PCSK5: variants seen among roughly 807,000 people sequenced by gnomAD.
PCSK5 encodes the protein proprotein convertase subtilisin/kexin type 5.
Under a neutral mutation model 233.2 loss-of-function variants are expected in PCSK5, and 129 were observed. The ratio of observed to expected loss-of-function variants is 0.55; its 90% confidence interval spans 0.48 to 0.64. The LOEUF (loss-of-function observed/expected upper bound fraction) is 0.64, where lower values mean the gene tolerates loss of function less well. PCSK5 is among the 30% of genes least tolerant of loss of function. The pLI, the probability that PCSK5 is intolerant of heterozygous loss-of-function variation, is 0.00. For synonymous variants in PCSK5, 825 were observed against 879.2 expected (o/e 0.94, Z 1.09); for missense variants, 2,076 against 2,430.1 (o/e 0.85, Z 3.06).
chr9:76,088,930 ATTTTTTTTT>A (rs5898449), intron 7 of PCSK5, among the ~76,000 whole-genome samples: 4,146 of 140,160 alleles, frequency 0.03, 145 homozygotes, highest in African/African-American at 0.081. Flanking sequence ...AGGTTTTTTA[ATTTTTTTTT>A]TTTTTTTTTG....
At chr9:75,970,297 T>C (rs1293661238) in intron 2 of PCSK5, among the ~76,000 whole-genome samples, 1 of 152,206 alleles carries the variant, frequency 6.6e-6, no homozygotes, top group African/African-American at 2.4e-5. Flanking sequence ...GTTACAGGTT[T>C]TTCTCTTTCT....
intron 9 of PCSK5, among the ~76,000 whole-genome samples, chr9:76,123,629 A>G (rs558129576): frequency 2.0e-5 from 3 of 152,264 alleles, no homozygotes; most frequent in South Asian, 2.1e-4. Context: ...ATTCTGTTCA[A>G]TTTATTTTGG....
intron 3 of PCSK5, among the ~76,000 whole-genome samples, chr9:76,007,536 G>A (rs1445887651): frequency 6.6e-6 from 1 of 152,118 alleles, no homozygotes; most frequent in African/African-American, 2.4e-5. Context: ...AGAATTATTT[G>A]ATTTTATCAA....
At chr9:76,233,125 T>C (rs1826146148) in intron 21 of PCSK5, among the ~76,000 whole-genome samples, 1 of 152,198 alleles carries the variant, frequency 6.6e-6, no homozygotes, top group African/African-American at 2.4e-5. Flanking sequence ...GTGGAAAGTT[T>C]ACAGACCTCC....
At chr9:75,955,002 A>C (rs1825029175) in intron 2 of PCSK5, among the ~76,000 whole-genome samples, 1 of 152,194 alleles carries the variant, frequency 6.6e-6, no homozygotes, top group African/African-American at 2.4e-5. Context: ...TTCTGCACTG[A>C]ATATTGACTG....
chr9:76,352,869 C>T (rs1830201848), intron 36 of PCSK5, among the ~76,000 whole-genome samples: 1 of 138,628 alleles, frequency 7.2e-6, no homozygotes, highest in Non-Finnish European at 1.6e-5. Context: ...ATGGTGAAAC[C>T]CCATCTCTAC....
intron 24 of PCSK5, among the ~76,000 whole-genome samples, chr9:76,247,207 C>T (rs1165421259): frequency 2.6e-5 from 4 of 152,170 alleles, no homozygotes; most frequent in Non-Finnish European, 5.9e-5. Context: ...TGGAAGTCAG[C>T]GGCAGGTCTG....
At chr9:76,326,674 C>T (rs574737095) in intron 32 of PCSK5, among the ~76,000 whole-genome samples, 69 of 152,124 alleles carry the variant, frequency 4.5e-4, no homozygotes, top group Non-Finnish European at 6.2e-4. Flanking sequence ...CATGTATCCA[C>T]CCAGGGAATG....
intron 1 of PCSK5, among the ~76,000 whole-genome samples, chr9:75,892,530 G>A (rs1825656104): frequency 6.6e-6 from 1 of 152,238 alleles, no homozygotes; most frequent in Non-Finnish European, 1.5e-5. Context: ...GCGCTTTGGG[G>A]ACTGCCCGGG....
At position 75,902,236 on chromosome 9, in the gene PCSK5, A is replaced by G. The variant is rs1378769332; in HGVS notation, c.192+10863A>G. Among the ~76,000 whole-genome samples, 22 of 139,528 alleles carry G rather than the reference A, an allele frequency of 1.6e-4. 1 individual carries two copies. The highest frequency in any genetic ancestry group is 5.6e-4 in the African/African-American group (21 of 37,784). 91.5% of individuals were successfully genotyped at this position (139,528 alleles called of 152,430 possible). ...ATCTAAAAAAAAAAAAAAAAAAAAA[A>G]AAAAAAAGAAAAGGACAAAACAAGG... On this transcript the variant is annotated intron_variant, in intron 1 of 37. Transcript: ENST00000674117.
chr9:76,030,745 T>C (rs934547124), intron 5 of PCSK5, among the ~76,000 whole-genome samples: 8 of 152,082 alleles, frequency 5.3e-5, no homozygotes, highest in African/African-American at 1.9e-4. Flanking sequence ...TGATGGCTTT[T>C]TATAGACTAT....
intron 12 of PCSK5, among the ~76,000 whole-genome samples, chr9:76,160,128 C>T (rs1007813833): frequency 3.3e-5 from 5 of 152,066 alleles, no homozygotes; most frequent in African/African-American, 1.2e-4. Flanking sequence ...GCTGACTCTT[C>T]AGTCTTTATT....
intron 20 of PCSK5, among the ~76,000 whole-genome samples, chr9:76,208,556 T>C (rs938651993): frequency 2.0e-5 from 3 of 152,200 alleles, no homozygotes; most frequent in African/African-American, 7.2e-5. Context: ...GATTTATAGT[T>C]TCAGAATTTT....
In PCSK5 at chr9:76,137,318, C is replaced by G. The variant is rs369874040; in HGVS notation, c.1312+3106C>G. On this transcript the variant is annotated intron_variant, in intron 10 of 37. Transcript: ENST00000674117. ...AACTTTCTTCTCCTTTTTCTGTGCC[C>G]TCCTTATAAAAGCACTCTGTAAATG... 1.2e-4 allele frequency among the ~76,000 whole-genome samples: 18 copies of G among 152,172 alleles called. No homozygotes were observed. The South Asian group carries it at 3.3e-3, about 28-fold the overall frequency.
chr9:75,996,253 TATTC>T (rs1563962305), intron 3 of PCSK5, among the ~76,000 whole-genome samples: 1 of 152,234 alleles, frequency 6.6e-6, no homozygotes, highest in South Asian at 2.1e-4. Context: ...TGCATTTATT[TATTC>T]ATTCATTTAT....
In PCSK5 at chr9:76,362,818, G is replaced by A. The variant is rs1052159506; in HGVS notation, c.*3896G>A. 2.0e-5 allele frequency among the ~76,000 whole-genome samples: 3 copies of A among 152,116 alleles called. No homozygotes were observed. Among genetic ancestry groups the A allele is most frequent in the African/African-American group, 4.8e-5 (2 of 41,428 alleles). ...ACTGGTGCATGCAGTCCCCAGTCAC[G>A]TACCCCCTGCTTGCTCAATCGATCA... On this transcript the variant is annotated 3_prime_UTR_variant, in exon 38 of 38. Coordinates refer to ENST00000674117, the MANE Select transcript of PCSK5 (RefSeq NM_001372043.1).
chr9:75,934,509 A>G (rs930889062), intron 2 of PCSK5, among the ~76,000 whole-genome samples: 1 of 148,260 alleles, frequency 6.7e-6, no homozygotes, highest in Non-Finnish European at 1.5e-5. Context: ...CATCCAGGAC[A>G]TTGCAGTGCT....
intron 13 of PCSK5, among the ~76,000 whole-genome samples, chr9:76,174,688 T>C (rs888087745): frequency 8.5e-5 from 13 of 152,212 alleles, no homozygotes; most frequent in African/African-American, 3.1e-4. Flanking sequence ...TAATTTGAAA[T>C]TCAGCCCTTG....
intron 5 of PCSK5, among the ~76,000 whole-genome samples, chr9:76,044,462 T>G (rs927685501): frequency 6.6e-6 from 1 of 152,184 alleles, no homozygotes; most frequent in African/African-American, 2.4e-5. Context: ...GCTCAAAGGT[T>G]GTAGGAATAA....
Sources: gnomAD v4.1 joint callset for allele counts (sites outside exome capture counted in the v4.1 genomes callset) on GRCh38, gnomAD v4.1.1 for gene constraint, MANE v1.5 for transcripts, NCBI Gene and HGNC (gene_info 2026-07-23, HGNC 2026-07-21) for gene names.